The following OPCML variants were observed in gnomAD, a reference collection of about 807,000 sequenced individuals.
OPCML encodes opioid binding protein/cell adhesion molecule like, also known as opioid-binding protein/cell adhesion molecule.
In OPCML, 13 loss-of-function variants were observed where a neutral mutation model predicts 37.8. The ratio of observed to expected loss-of-function variants is 0.34; its 90% confidence interval spans 0.22 to 0.55. The LOEUF (loss-of-function observed/expected upper bound fraction) is 0.55, where lower values mean the gene tolerates loss of function less well. Among genes scored for constraint, OPCML ranks in the 20% least tolerant of loss-of-function variants. The probability of loss-of-function intolerance (pLI) is 0.91; values close to 1 mark genes in which losing one functional copy is unlikely to be tolerated. For missense variants in OPCML, 341 were observed against 435.6 expected, an observed-to-expected ratio of 0.78 and a Z score of 1.93; for synonymous variants, 176 against 168.8, an observed-to-expected ratio of 1.04 and a Z score of -0.33.
chr11:132,567,451 A>G (rs2096426317), intron 3 of OPCML, among the ~76,000 whole-genome samples: 1 of 152,026 alleles, frequency 6.6e-6, no homozygotes, highest in Non-Finnish European at 1.5e-5. Context: ...TCCGGGAGAG[A>G]GGTGGAGGGA....
intron 1 of OPCML, among the ~76,000 whole-genome samples, chr11:133,046,112 G>A (rs556539661): frequency 6.6e-6 from 1 of 152,296 alleles, no homozygotes; most frequent in South Asian, 2.1e-4. Context: ...TTCGACCTGG[G>A]GAAGTGTGTG....
rs1565660073 is a variant in OPCML at position 133,484,080 on chromosome 11, A to ATT, written c.61+48183_61+48184insAA. ...TAGATAGATAGATAGATAGATAGAT[A>ATT]GATTCATAGATGAATAGATAGATTA... On this transcript the variant is annotated intron_variant, in intron 1 of 7. Coordinates refer to ENST00000524381, the MANE Select transcript of OPCML (RefSeq NM_001012393.5). Among the ~76,000 whole-genome samples, 28 of 128,274 alleles carry ATT rather than the reference A, an allele frequency of 2.2e-4. 1 individual carries two copies. Among genetic ancestry groups the ATT allele is most frequent in the African/African-American group, 9.1e-4 (24 of 26,296 alleles). The allele number at this position is 128,274 out of a possible 152,430, so 84.2% of individuals were successfully genotyped here.
intron 1 of OPCML, among the ~76,000 whole-genome samples, chr11:133,137,368 G>A (rs964706260): frequency 6.6e-5 from 10 of 151,988 alleles, no homozygotes; most frequent in African/African-American, 7.3e-5. Flanking sequence ...ACTTTTCTGC[G>A]GTTTTACTTA....
intron 2 of OPCML, among the ~76,000 whole-genome samples, chr11:132,706,918 C>A (rs898527314): frequency 2.6e-5 from 4 of 152,190 alleles, no homozygotes; most frequent in Admixed American, 6.5e-5. Flanking sequence ...TACATCTAAG[C>A]AATTAACCTC....
intron 1 of OPCML, chr11:133,419,385 G>T: frequency 9.3e-6 from 9 of 972,422 alleles, no homozygotes; most frequent in Non-Finnish European, 1.1e-5. Context: ...ACTCGTCAGA[G>T]CTTATTGCTA....
chr11:132,608,636 A>T (rs1048012164), intron 3 of OPCML, among the ~76,000 whole-genome samples: 1 of 152,186 alleles, frequency 6.6e-6, no homozygotes, highest in Non-Finnish European at 1.5e-5. Context: ...CTCTTTGCAA[A>T]TATGACCTGT....
intron 1 of OPCML, among the ~76,000 whole-genome samples, chr11:133,228,161 T>A (rs2136379626): frequency 6.6e-6 from 1 of 152,254 alleles, no homozygotes; most frequent in Admixed American, 6.5e-5. Flanking sequence ...CAATTTCCAG[T>A]TCTACCGTGG....
chr11:133,026,156 AT>A (rs1947550500), intron 1 of OPCML: 1 of 929,698 alleles, frequency 1.1e-6, no homozygotes, highest in Non-Finnish European at 1.3e-6. Flanking sequence ...CATCTGAGTA[AT>A]TTTTGTTTTA....
At chr11:133,204,864 A>ATGTG (rs199964899) in intron 1 of OPCML, among the ~76,000 whole-genome samples, 17 of 69,800 alleles carry the variant, frequency 2.4e-4, no homozygotes, top group East Asian at 1.5e-3. Context: ...ATATATATAT[A>ATGTG]TGTGTATATA....
chr11:132,806,237 A>G (rs986646553), intron 2 of OPCML, among the ~76,000 whole-genome samples: 8 of 152,188 alleles, frequency 5.3e-5, no homozygotes, highest in African/African-American at 1.7e-4. Context: ...CCAAATTGCC[A>G]TATGGTAGAC....
intron 1 of OPCML, among the ~76,000 whole-genome samples, chr11:133,443,829 C>T (rs1406985578): frequency 1.3e-5 from 2 of 152,088 alleles, no homozygotes; most frequent in Admixed American, 1.3e-4. Flanking sequence ...GCTTTAGGGA[C>T]TGGATACCTT....
intron 1 of OPCML, among the ~76,000 whole-genome samples, chr11:133,092,143 T>C (rs542353994): frequency 1.3e-5 from 2 of 152,130 alleles, no homozygotes; most frequent in South Asian, 2.1e-4. Context: ...ACAGCATCCA[T>C]CCCTCTGGAG....
intron 1 of OPCML, among the ~76,000 whole-genome samples, chr11:133,425,393 G>T (rs916716187): frequency 1.3e-5 from 2 of 152,160 alleles, no homozygotes; most frequent in African/African-American, 2.4e-5. Flanking sequence ...CAGGTTCACT[G>T]CCCTTCCGCA....
At chr11:133,101,087 G>A (rs912264557) in intron 1 of OPCML, among the ~76,000 whole-genome samples, 19 of 152,082 alleles carry the variant, frequency 1.2e-4, no homozygotes, top group Admixed American at 7.9e-4. Flanking sequence ...GTCATGCCCC[G>A]CTAATTTTTG....
At chr11:133,434,196 G>T (rs900183363) in intron 1 of OPCML, among the ~76,000 whole-genome samples, 1 of 152,122 alleles carries the variant, frequency 6.6e-6, no homozygotes, top group Admixed American at 6.5e-5. Flanking sequence ...CCTCATGAAA[G>T]CTCCCTGCCT....
intron 1 of OPCML, among the ~76,000 whole-genome samples, chr11:133,011,706 A>G (rs1157229483): frequency 1.3e-5 from 2 of 152,058 alleles, no homozygotes; most frequent in Non-Finnish European, 2.9e-5. Flanking sequence ...TATGGGGTAA[A>G]GCGGGAAGAC....
intron 1 of OPCML, among the ~76,000 whole-genome samples, chr11:133,415,275 T>C (rs1945736087): frequency 1.3e-5 from 2 of 151,746 alleles, no homozygotes; most frequent in Middle Eastern, 6.8e-3. Flanking sequence ...CCCGGCGTGG[T>C]GGCGGGCGCC....
At chr11:132,757,812 T>C in intron 2 of OPCML, among the ~76,000 whole-genome samples, 1 of 152,240 alleles carries the variant, frequency 6.6e-6, no homozygotes. Context: ...TTAGATTCCA[T>C]TTGTCAATTT....
At chr11:132,916,011 A>T (rs1345410441) in intron 2 of OPCML, among the ~76,000 whole-genome samples, 1 of 152,318 alleles carries the variant, frequency 6.6e-6, no homozygotes, top group Admixed American at 6.5e-5. Context: ...ATTACAAAAC[A>T]TTTCACAACT....
Sources: gnomAD v4.1 joint callset for allele counts (sites outside exome capture counted in the v4.1 genomes callset) on GRCh38, gnomAD v4.1.1 for gene constraint, MANE v1.5 for transcripts, NCBI Gene and HGNC (gene_info 2026-07-23, HGNC 2026-07-21) for gene names.